REPS1: variants seen among roughly 807,000 people sequenced by gnomAD.
The protein encoded by REPS1 is RALBP1 associated Eps domain containing 1, also known as ralBP1-associated Eps domain-containing protein 1.
A neutral mutation model predicts 100.9 loss-of-function variants in REPS1; 39 were observed. The observed-to-expected ratio is 0.39, with a 90% confidence interval of 0.30 to 0.50. The LOEUF is 0.50. Ranked by LOEUF, REPS1 falls within the 20% of genes least tolerant of loss-of-function variation. The pLI is 0.86. For synonymous variants in REPS1, 324 were observed against 340.3 expected (o/e 0.95, Z 0.53); for missense variants, 821 against 968.5 (o/e 0.85, Z 2.02).
chr6:138,914,492 CT>C (rs1328421486), intron 15 of REPS1, among the ~76,000 whole-genome samples: 1 of 152,198 alleles, frequency 6.6e-6, no homozygotes, highest in Non-Finnish European at 1.5e-5. Flanking sequence ...ATTTGTTTCA[CT>C]TTTAAGGCTC....
intron 1 of REPS1, among the ~76,000 whole-genome samples, chr6:138,951,592 C>T (rs1783044767): frequency 6.6e-6 from 1 of 152,066 alleles, no homozygotes; most frequent in Non-Finnish European, 1.5e-5. Context: ...GTTATATTGG[C>T]TTTTTCAGCA....
At chr6:138,955,457 A>AAGTGTGTGTGTGTGTGTGTGT (rs10689184) in intron 1 of REPS1, among the ~76,000 whole-genome samples, 107 of 90,724 alleles carry the variant, frequency 1.2e-3, no homozygotes, top group East Asian at 3.8e-3. Flanking sequence ...AAAAAAAAAA[A>AAGTGTGTGTGTGTGTGTGTGT]GTGTGTGTGT....
chr6:138,969,676 T>G (rs1784224639), intron 1 of REPS1, among the ~76,000 whole-genome samples: 1 of 152,048 alleles, frequency 6.6e-6, no homozygotes, highest in South Asian at 2.1e-4. Flanking sequence ...CCAGCTCATG[T>G]TGCACATGCA....
intron 1 of REPS1, among the ~76,000 whole-genome samples, chr6:138,956,536 G>A (rs78455800): frequency 6.6e-6 from 1 of 151,058 alleles, no homozygotes; most frequent in East Asian, 2.0e-4. Flanking sequence ...AACTAGGACA[G>A]CTGGTATAGA....
At chr6:138,978,094 A>AC (rs1784697444) in intron 1 of REPS1, among the ~76,000 whole-genome samples, 4 of 91,922 alleles carry the variant, frequency 4.4e-5, no homozygotes, top group African/African-American at 2.5e-4. Flanking sequence ...GCTTTCGCCC[A>AC]GTTTTTTTTT....
chr6:138,923,699 T>C (rs1404515482), intron 10 of REPS1, among the ~76,000 whole-genome samples: 1 of 152,294 alleles, frequency 6.6e-6, no homozygotes, highest in South Asian at 2.1e-4. Context: ...AATCTCAATT[T>C]CATCAGAACT....
intron 17 of REPS1, among the ~76,000 whole-genome samples, chr6:138,910,515 G>A (rs940581091): frequency 2.0e-5 from 3 of 152,050 alleles, no homozygotes; most frequent in African/African-American, 4.8e-5. Context: ...CACCACACAC[G>A]GCTAATATTT....
At chr6:138,925,190 TACACACAC>T (rs3070143) in intron 10 of REPS1, among the ~76,000 whole-genome samples, 6 of 148,088 alleles carry the variant, frequency 4.1e-5, no homozygotes, top group South Asian at 2.2e-4. Context: ...TACTAAAAAA[TACACACAC>T]ACACACACAC....
At chr6:138,912,166 C>T (rs1324819015) in intron 16 of REPS1, among the ~76,000 whole-genome samples, 1 of 152,198 alleles carries the variant, frequency 6.6e-6, no homozygotes, top group Non-Finnish European at 1.5e-5. Flanking sequence ...TCCAACTCCA[C>T]ATTTATGCTC....
intron 1 of REPS1, among the ~76,000 whole-genome samples, chr6:138,973,703 T>C (rs916037166): frequency 2.0e-5 from 3 of 151,936 alleles, no homozygotes; most frequent in Non-Finnish European, 4.4e-5. Flanking sequence ...ACTTATCCTC[T>C]GTGTCATTTT....
At position 138,969,269 on chromosome 6, in the gene REPS1, A is replaced by ATTTTTTTTTTTTTTTTTTTTTT. The variant is rs71013004; in HGVS notation, c.153+18239_153+18260dup. Among the ~76,000 whole-genome samples, 122 of 74,248 alleles carry ATTTTTTTTTTTTTTTTTTTTTT rather than the reference A, an allele frequency of 1.6e-3. 19 individuals are homozygous for ATTTTTTTTTTTTTTTTTTTTTT. Among genetic ancestry groups the ATTTTTTTTTTTTTTTTTTTTTT allele is most frequent in the Non-Finnish European group, 2.1e-3 (81 of 38,346 alleles). 48.7% of individuals were successfully genotyped at this position (74,248 alleles called of 152,430 possible). ...ACACAATCTATGATACAAAGCTGTA[A>ATTTTTTTTTTTTTTTTTTTTTT]TTTTTTTTTTTTTTTTTTTTTTTTT... On this transcript the variant is annotated intron_variant, in intron 1 of 19. Transcript: ENST00000450536.
intron 10 of REPS1, among the ~76,000 whole-genome samples, chr6:138,921,744 A>AT (rs1780778890): frequency 6.6e-6 from 1 of 151,642 alleles, no homozygotes; most frequent in Admixed American, 6.6e-5. Context: ...TGCCCGGCTA[A>AT]TTTTTATATT....
intron 1 of REPS1, among the ~76,000 whole-genome samples, chr6:138,974,700 G>A (rs902224933): frequency 6.6e-6 from 1 of 152,102 alleles, no homozygotes; most frequent in South Asian, 2.1e-4. Flanking sequence ...AACAGAAACC[G>A]AAATCTCTGG....
At chr6:138,909,614 T>A (rs118024060) in intron 17 of REPS1, among the ~76,000 whole-genome samples, 308 of 152,218 alleles carry the variant, frequency 2.0e-3, no homozygotes, top group Non-Finnish European at 3.0e-3. Flanking sequence ...GGTGACTGGG[T>A]CATGGGGGTG....
intron 1 of REPS1, among the ~76,000 whole-genome samples, chr6:138,979,833 A>C (rs1784835169): frequency 6.6e-6 from 1 of 152,104 alleles, no homozygotes; most frequent in South Asian, 2.1e-4. Flanking sequence ...CTTCTTTATA[A>C]TCTTTTCTTC....
At chr6:138,958,672 T>C (rs952796453) in intron 1 of REPS1, among the ~76,000 whole-genome samples, 1 of 152,138 alleles carries the variant, frequency 6.6e-6, no homozygotes, top group Non-Finnish European at 1.5e-5. Context: ...TTCAGGGCCT[T>C]AAAAAAAGTA....
chr6:138,907,629 C>A, intron 18 of REPS1, 29 bp from the exon 19 acceptor site: 2 of 1,332,568 alleles, frequency 1.5e-6, no homozygotes, highest in Non-Finnish European at 2.2e-6. Flanking sequence ...CAAAAAAACC[C>A]ATAACCTTCA....
chr6:138,914,561 C>A, intron 15 of REPS1, 136 bp downstream of exon 15: 1 of 700,334 alleles, frequency 1.4e-6, no homozygotes, highest in Non-Finnish European at 2.5e-6. Context: ...TGAGATTCAG[C>A]CTCACTGAAT....
intron 10 of REPS1, among the ~76,000 whole-genome samples, chr6:138,922,686 C>A (rs1562521839): frequency 6.6e-6 from 1 of 152,182 alleles, no homozygotes; most frequent in South Asian, 2.1e-4. Flanking sequence ...GGGGGCCCAG[C>A]TCCTTCTATG....
Sources: allele counts gnomAD v4.1 joint callset (sites outside exome capture counted in the v4.1 genomes callset), GRCh38; gene constraint gnomAD v4.1.1; transcripts MANE v1.5; gene names NCBI Gene and HGNC (gene_info 2026-07-23, HGNC 2026-07-21).